The following MOCOS variants were observed in gnomAD, a reference collection of about 807,000 sequenced individuals.
MOCOS encodes molybdenum cofactor sulfurase.
Under a neutral mutation model 83.6 loss-of-function variants are expected in MOCOS, and 86 were observed. That is an observed-to-expected ratio of 1.03 (90% confidence interval 0.86 to 1.23). The LOEUF (loss-of-function observed/expected upper bound fraction) is 1.23. Among genes scored for constraint, MOCOS ranks in the 50% most tolerant of loss-of-function variants. The probability of loss-of-function intolerance (pLI) is 0.00; values close to 1 mark genes in which losing one functional copy is unlikely to be tolerated. For synonymous variants in MOCOS, 445 were observed against 434.7 expected (o/e 1.02, Z -0.29); for missense variants, 1,120 against 1,126.9 (o/e 0.99, Z 0.09).
At chr18:36,240,041 T>C (rs1414972168) in intron 9 of MOCOS, among the ~76,000 whole-genome samples, 1 of 120,400 alleles carries the variant, frequency 8.3e-6, no homozygotes, top group Non-Finnish European at 1.7e-5. Context: ...TTCTTCTAAA[T>C]TTTTTTCAAA....
At chr18:36,203,249 G>A (rs550306925) in intron 5 of MOCOS, 60 bp downstream of exon 5, 4 of 1,468,412 alleles carry the variant, frequency 2.7e-6, no homozygotes, top group East Asian at 4.5e-5. Flanking sequence ...AGGGAGCTCT[G>A]GCACAGGTGT....
At chr18:36,206,879 A>G (rs979847717) in intron 6 of MOCOS, among the ~76,000 whole-genome samples, 3 of 152,190 alleles carry the variant, frequency 2.0e-5, no homozygotes, top group African/African-American at 4.8e-5. Context: ...TAACCAGTCT[A>G]CCACTGATGG....
intron 9 of MOCOS, among the ~76,000 whole-genome samples, chr18:36,225,237 C>T (rs374845363): frequency 2.0e-4 from 30 of 152,180 alleles, no homozygotes; most frequent in African/African-American, 5.8e-4. Context: ...CTGCAACCTC[C>T]GCCTCCTGGG....
intron 6 of MOCOS, among the ~76,000 whole-genome samples, chr18:36,212,939 T>G (rs1028564556): frequency 4.6e-5 from 7 of 152,160 alleles, no homozygotes; most frequent in African/African-American, 1.7e-4. Flanking sequence ...CTCATGTGAA[T>G]GAGAACCACC....
chr18:36,198,596 G>C, intron 2 of MOCOS, 94 bp from the exon 3 acceptor site: 1 of 1,266,558 alleles, frequency 7.9e-7, no homozygotes. Flanking sequence ...TTTATGTTGA[G>C]CTTTTTGAGA....
At chr18:36,226,921 C>G (rs1294673797) in intron 9 of MOCOS, among the ~76,000 whole-genome samples, 2 of 141,876 alleles carry the variant, frequency 1.4e-5, no homozygotes, top group South Asian at 2.2e-4. Flanking sequence ...GGGTCTTGCT[C>G]TGTTGCCCAG....
At chr18:36,211,846 T>C (rs2091456908) in intron 6 of MOCOS, among the ~76,000 whole-genome samples, 1 of 151,388 alleles carries the variant, frequency 6.6e-6, no homozygotes, top group Non-Finnish European at 1.5e-5. Context: ...GACTCGCTCA[T>C]AGCTAACAGA....
intron 4 of MOCOS, 64 bp from the exon 5 acceptor site, chr18:36,203,049 C>A: frequency 6.7e-7 from 1 of 1,488,496 alleles, no homozygotes; most frequent in Non-Finnish European, 9.4e-7. Flanking sequence ...CATTATATAC[C>A]ACGAAATGCA....
At chr18:36,212,904 G>A (rs1211232397) in intron 6 of MOCOS, among the ~76,000 whole-genome samples, 4 of 152,244 alleles carry the variant, frequency 2.6e-5, no homozygotes, top group Admixed American at 6.5e-5. Context: ...ACAGCCTGGA[G>A]GAACTGGAGC....
At chr18:36,191,682 C>A (rs1598867866) in intron 1 of MOCOS, among the ~76,000 whole-genome samples, 1 of 152,144 alleles carries the variant, frequency 6.6e-6, no homozygotes, top group Non-Finnish European at 1.5e-5. Flanking sequence ...AGCAATCCTG[C>A]CTTGGCCTCC....
intron 8 of MOCOS, 132 bp downstream of exon 8, chr18:36,216,109 C>T (rs2091475781): frequency 1.0e-6 from 1 of 964,034 alleles, no homozygotes; most frequent in Non-Finnish European, 1.5e-6. Context: ...GCCATTCTCA[C>T]TCTCCCTTTC....
Position 36,268,865 on chromosome 18 carries a change from C to G in MOCOS, c.*180C>G, listed in dbSNP as rs1598599174. 4 of 634,884 alleles carry G rather than the reference C, an allele frequency of 6.3e-6. No homozygotes were observed. Among genetic ancestry groups the G allele is most frequent in the Non-Finnish European group, 5.5e-6 (2 of 364,318 alleles). The allele number at this position is 634,884 out of a possible 1,614,324, so 39.3% of individuals were successfully genotyped here. ...TTCTCACCCTGCAAATTTGCACTGG[C>G]TGTGCTCAGGAGAGCACTTCTGAGG... On this transcript the variant is annotated 3_prime_UTR_variant, in exon 15 of 15. Transcript: ENST00000261326.
At chr18:36,242,543 G>C (rs1272792551) in intron 9 of MOCOS, among the ~76,000 whole-genome samples, 1 of 152,004 alleles carries the variant, frequency 6.6e-6, no homozygotes, top group Non-Finnish European at 1.5e-5. Flanking sequence ...CCAAACTCCT[G>C]GTACCAATTT....
intron 7 of MOCOS, among the ~76,000 whole-genome samples, 154 bp from the exon 8 acceptor site, chr18:36,215,362 T>C (rs1312780395): frequency 6.6e-6 from 1 of 152,220 alleles, no homozygotes; most frequent in Non-Finnish European, 1.5e-5. Flanking sequence ...GGTAGAGAGC[T>C]GAACTATGTC....
intron 9 of MOCOS, among the ~76,000 whole-genome samples, chr18:36,240,353 A>G (rs2091576438): frequency 6.9e-6 from 1 of 143,960 alleles, no homozygotes. Context: ...TCCTTCTAAC[A>G]GACAGGACCC....
At position 36,235,840 on chromosome 18, in the gene MOCOS, G is replaced by T. The variant is rs1336154890; in HGVS notation, c.1961-13082G>T. ...TTGCCATTCTAACTGGTGTGAGGTG[G>T]TATCTCATTGTGGTTTTGATTTGCA... On this transcript the variant is annotated intron_variant, in intron 9 of 14. Transcript: ENST00000261326. Among the ~76,000 whole-genome samples, 3 of 148,694 alleles carry T rather than the reference G, an allele frequency of 2.0e-5. No individual in the cohort carries two copies. In the South Asian group the frequency reaches 6.4e-4, roughly 32 times the overall value.
At chr18:36,214,687 A>G (rs1368610079) in intron 7 of MOCOS, among the ~76,000 whole-genome samples, 1 of 152,068 alleles carries the variant, frequency 6.6e-6, no homozygotes, top group African/African-American at 2.4e-5. Flanking sequence ...CTAACCATGA[A>G]CTGAGTTTTG....
chr18:36,211,786 T>C lies in MOCOS; in HGVS notation c.1219-1580T>C, dbSNP rs577032623. On this transcript the variant is annotated intron_variant, in intron 6 of 14. Transcript: ENST00000261326. The stretch of plus-strand genomic sequence containing the variant: ...GCCATGAGACTTTGACACTCCTCCA[T>C]GGAGGGCTGGGGATCTGTGGGTCTT... 8.8e-4 allele frequency among the ~76,000 whole-genome samples: 133 copies of C among 151,566 alleles called. 1 individual carries two copies. Among genetic ancestry groups the C allele is most frequent in the African/African-American group, 2.7e-3 (110 of 40,848 alleles).
At chr18:36,258,917 G>A (rs944730580) in intron 12 of MOCOS, among the ~76,000 whole-genome samples, 2 of 152,070 alleles carry the variant, frequency 1.3e-5, no homozygotes, top group Non-Finnish European at 2.9e-5. Context: ...AACCTCCCTT[G>A]TATCCCATCC....
Sources: allele counts gnomAD v4.1 joint callset (sites outside exome capture counted in the v4.1 genomes callset), GRCh38; gene constraint gnomAD v4.1.1; transcripts MANE v1.5; gene names NCBI Gene and HGNC (gene_info 2026-07-23, HGNC 2026-07-21).